DYNC2I1: variants seen among roughly 807,000 people sequenced by gnomAD.
The protein encoded by DYNC2I1 is cytoplasmic dynein 2 intermediate chain 1.
Under a neutral mutation model 133.4 loss-of-function variants are expected in DYNC2I1, and 89 were observed. The observed-to-expected ratio is 0.67, with a 90% CI of 0.56 to 0.80. The LOEUF (loss-of-function observed/expected upper bound fraction) is 0.80. DYNC2I1 is among the 30% of genes least tolerant of loss of function. The pLI is 0.00. For synonymous variants in DYNC2I1, 504 were observed against 484.3 expected, an observed-to-expected ratio of 1.04 and a Z score of -0.54; for missense variants, 1,291 against 1,314.5, an observed-to-expected ratio of 0.98 and a Z score of 0.28.
chr7:158,891,289 G>A lies in DYNC2I1; in HGVS notation c.1015G>A (p.Val339Met). ...GCATGGCCACGAGGAAGGCTCTTCT[G>A]TGTGGTGGAAGCTGGACCAGAGGCC... ...RKHGHEEGSS[V>M]WWKLDQRPGG... is the part of the protein sequence containing the mutation. The change falls in exon 8 of 25, where the codon GTG becomes ATG. Residue 339 changes from valine (V) to methionine (M), a missense_variant. Transcript: ENST00000407559. 1 of 1,614,064 alleles carries A rather than the reference G, an allele frequency of 6.2e-7. No individual in the cohort carries two copies. Among genetic ancestry groups the A allele is most frequent in the Non-Finnish European group, 8.5e-7 (1 of 1,179,912 alleles).
intron 14 of DYNC2I1, among the ~76,000 whole-genome samples, chr7:158,914,987 G>C (rs778592291): frequency 6.6e-6 from 1 of 152,232 alleles, no homozygotes; most frequent in Non-Finnish European, 1.5e-5. Context: ...TCACTTTCTT[G>C]TATGTAAGCT....
At chr7:158,845,413 A>G in the DYNC2I1 span, among the ~76,000 whole-genome samples, 12 of 152,324 alleles carry the variant, frequency 7.9e-5, no homozygotes, top group East Asian at 2.1e-3. Context: ...AAATGGAGGA[A>G]CTGGCAACAT....
chr7:158,867,884 C>T (rs751058649), intron 1 of DYNC2I1, among the ~76,000 whole-genome samples: 10 of 152,132 alleles, frequency 6.6e-5, no homozygotes, highest in African/African-American at 2.2e-4. Flanking sequence ...GCCTCCACCC[C>T]GTCCTCCTCA....
chr7:158,840,366 G>A, the DYNC2I1 span, among the ~76,000 whole-genome samples: 1 of 152,214 alleles, frequency 6.6e-6, no homozygotes, highest in Non-Finnish European at 1.5e-5. Flanking sequence ...GGGAGTTCAA[G>A]ACCAGCCTGG....
At chr7:158,851,783 T>C (rs1190725835), upstream of DYNC2I1, among the ~76,000 whole-genome samples, 2 of 152,208 alleles carry the variant, frequency 1.3e-5, no homozygotes, top group Admixed American at 6.5e-5. Flanking sequence ...TGAGTGCAGA[T>C]TGAATCATGA....
intron 24 of DYNC2I1, among the ~76,000 whole-genome samples, chr7:158,943,159 G>A (rs895266481): frequency 4.6e-5 from 7 of 152,134 alleles, no homozygotes; most frequent in African/African-American, 1.7e-4. Context: ...ATTAAGAATT[G>A]CATTTATTTA....
intron 1 of DYNC2I1, among the ~76,000 whole-genome samples, chr7:158,863,368 G>A (rs185163422): frequency 6.6e-6 from 1 of 152,140 alleles, no homozygotes; most frequent in Non-Finnish European, 1.5e-5. Flanking sequence ...TCCTTTAGCT[G>A]GACAGAAAAG....
intron 20 of DYNC2I1, 90 bp downstream of exon 20, chr7:158,927,133 C>A: frequency 2.2e-6 from 2 of 913,958 alleles, no homozygotes; most frequent in South Asian, 1.6e-5. Context: ...TGCAGTGGCT[C>A]ACACCTGCTG....
At chr7:158,913,142 C>CT (rs1488433893) in intron 13 of DYNC2I1, 46 bp downstream of exon 13, 1 of 1,394,312 alleles carries the variant, frequency 7.2e-7, no homozygotes, top group Middle Eastern at 1.8e-4. Context: ...TCTTTACATT[C>CT]TTTTTTGTTT....
At chr7:158,891,586 A>C (rs1399855324) in intron 8 of DYNC2I1, among the ~76,000 whole-genome samples, 1 of 152,154 alleles carries the variant, frequency 6.6e-6, no homozygotes, top group South Asian at 2.1e-4. Flanking sequence ...GCACACCGTC[A>C]GGTACTTGAG....
At chr7:158,907,053 C>T (rs912364506) in intron 11 of DYNC2I1, among the ~76,000 whole-genome samples, 7 of 151,786 alleles carry the variant, frequency 4.6e-5, no homozygotes, top group Admixed American at 1.3e-4. Flanking sequence ...AGGTCGAGGC[C>T]GCACTGAGCC....
chr7:158,865,934 C>T (rs1842364861), intron 1 of DYNC2I1, among the ~76,000 whole-genome samples: 1 of 152,042 alleles, frequency 6.6e-6, no homozygotes, highest in African/African-American at 2.4e-5. Flanking sequence ...GTAAACAGTC[C>T]ATATTAGCTG....
At chr7:158,926,094 C>T (rs1401623095) in intron 17 of DYNC2I1, 93 bp from the exon 18 acceptor site, 1 of 971,420 alleles carries the variant, frequency 1.0e-6, no homozygotes. Flanking sequence ...TCTGTGAGAC[C>T]CAGAAGCACC....
chr7:158,864,761 C>G (rs931156474), intron 1 of DYNC2I1, among the ~76,000 whole-genome samples: 1 of 152,182 alleles, frequency 6.6e-6, no homozygotes, highest in Non-Finnish European at 1.5e-5. Flanking sequence ...CTACCTCAGC[C>G]TAGCAAAGTG....
chr7:158,884,202 G>A lies in DYNC2I1; in HGVS notation c.880-362G>A, dbSNP rs527757670. ...TGGGACTACAGGCGCCCGCCACCAC[G>A]CCCGGCTAATTTTTGTATTTTTAGT... On this transcript the variant is annotated intron_variant, in intron 5 of 24. Coordinates refer to ENST00000407559, the MANE Select transcript of DYNC2I1 (RefSeq NM_018051.5). Among the ~76,000 whole-genome samples the A allele has an allele frequency of 8.1e-4, 123 of 151,150 alleles. 1 individual carries two copies. In the South Asian group the frequency reaches 9.6e-3, roughly 12 times the overall value.
At chr7:158,881,635 A>G (rs1201570465) in intron 5 of DYNC2I1, among the ~76,000 whole-genome samples, 2 of 151,906 alleles carry the variant, frequency 1.3e-5, no homozygotes, top group African/African-American at 2.4e-5. Flanking sequence ...TTGTATATTT[A>G]GTAGAGACGG....
chr7:158,843,544 G>A, the DYNC2I1 span, among the ~76,000 whole-genome samples: 1 of 151,868 alleles, frequency 6.6e-6, no homozygotes, highest in Non-Finnish European at 1.5e-5. Context: ...ACAGGTGTGA[G>A]CCACCGCACC....
chr7:158,879,730 A>G lies in DYNC2I1; in HGVS notation c.620A>G (p.Tyr207Cys), dbSNP rs1843806916. ...GACAACCCTCTCAAGTACTGGCTTT[A>G]TAAAGAAGAAGGCGAGAGGAGACAC... ...SKDNPLKYWLYKEEGERRHRK... is the reference protein window; with the variant it reads ...SKDNPLKYWLCKEEGERRHRK... Residue 207 changes from tyrosine (Y) to cysteine (C), a missense_variant, in exon 5 of 25, where the codon TAT (tyrosine) becomes TGT (cysteine). Tyr to Cys is a radical substitution (Grantham distance 194, BLOSUM62 -2). Transcript: ENST00000407559. The G allele has an allele frequency of 1.3e-6, 2 of 1,599,476 alleles. No individual in the cohort carries two copies. The highest frequency in any genetic ancestry group is 1.7e-6 in the Non-Finnish European group (2 of 1,176,364).
chr7:158,885,794 A>G (rs10266796), intron 6 of DYNC2I1, among the ~76,000 whole-genome samples: 2,340 of 152,280 alleles, frequency 0.015, 65 homozygotes, highest in African/African-American at 0.053. Context: ...TAGGGTGTCA[A>G]TTCCTGGATT....
Sources: allele counts gnomAD v4.1 joint callset (sites outside exome capture counted in the v4.1 genomes callset), GRCh38; gene constraint gnomAD v4.1.1; transcripts MANE v1.5; gene names NCBI Gene and HGNC (gene_info 2026-07-23, HGNC 2026-07-21).